The following TMEM266 variants were observed in gnomAD, a reference collection of about 807,000 sequenced individuals.
TMEM266 encodes transmembrane protein 266.
A neutral mutation model predicts 50.5 loss-of-function variants in TMEM266; 33 were observed. The ratio of observed to expected loss-of-function variants is 0.65; its 90% CI spans 0.50 to 0.87. The LOEUF (loss-of-function observed/expected upper bound fraction) is 0.87, where lower values mean the gene tolerates loss of function less well. Among genes scored for constraint, TMEM266 ranks in the 40% least tolerant of loss-of-function variants. The pLI, the probability that TMEM266 is intolerant of heterozygous loss-of-function variation, is 0.00. For synonymous variants in TMEM266, 310 were observed against 292.3 expected (o/e 1.06, Z -0.62); for missense variants, 655 against 695.1 (o/e 0.94, Z 0.65).
intron 1 of TMEM266, among the ~76,000 whole-genome samples, chr15:76,079,334 C>T (rs2036650058): frequency 8.0e-6 from 1 of 124,968 alleles, no homozygotes; most frequent in East Asian, 2.3e-4. Flanking sequence ...GCCTGGGCAA[C>T]AGAGCAAGAC....
rs544773268 is a variant in TMEM266, at chr15:76,195,165, C to G, written c.958+3008C>G. On this transcript the variant is annotated intron_variant, in intron 9 of 10. Coordinates refer to ENST00000388942, the MANE Select transcript of TMEM266 (RefSeq NM_152335.3). ...AGAGTAAGCTCCCAGATCTCCACACCGTTCCCTGGCAACCTTACACCGACT... is the reference window on the plus strand; with the variant it reads ...AGAGTAAGCTCCCAGATCTCCACACGGTTCCCTGGCAACCTTACACCGACT... Among the ~76,000 whole-genome samples, 7 of 152,190 alleles carry G rather than the reference C, an allele frequency of 4.6e-5. No individual in the cohort carries two copies. In the South Asian group the frequency reaches 1.4e-3, roughly 32 times the overall value.
At chr15:76,126,624 C>T (rs1445991304) in intron 1 of TMEM266, among the ~76,000 whole-genome samples, 10 of 151,688 alleles carry the variant, frequency 6.6e-5, no homozygotes, top group African/African-American at 9.7e-5. Flanking sequence ...CTCCGCCTCC[C>T]GAGTTCAAGC....
At position 76,132,389 on chromosome 15, in the gene TMEM266, G is replaced by A. The variant is rs563203164; in HGVS notation, c.-96-1779G>A. Among the ~76,000 whole-genome samples, 382 of 152,106 alleles carry A rather than the reference G, an allele frequency of 2.5e-3. 2 individuals are homozygous for A. The highest frequency in any genetic ancestry group is 4.0e-3 in the South Asian group (19 of 4,794). ...CTCCCAAAGTCCTGGGATTATAGGC[G>A]TGAACCACCGCGCCTGGCCTACCAA... On this transcript the variant is annotated intron_variant, in intron 1 of 10. Coordinates refer to ENST00000388942, the MANE Select transcript of TMEM266 (RefSeq NM_152335.3).
chr15:76,067,632 C>CAAA (rs1161784184), intron 1 of TMEM266, among the ~76,000 whole-genome samples: 1 of 67,444 alleles, frequency 1.5e-5, no homozygotes, highest in African/African-American at 4.9e-5. Context: ...GGCTGCGTCT[C>CAAA]AAAAAAAAAA....
intron 7 of TMEM266, among the ~76,000 whole-genome samples, chr15:76,171,339 C>T (rs1330641949): frequency 6.6e-6 from 1 of 152,248 alleles, no homozygotes; most frequent in East Asian, 1.9e-4. Flanking sequence ...ACACGCTGAG[C>T]TTCCCACTTC....
intron 1 of TMEM266, among the ~76,000 whole-genome samples, chr15:76,133,859 G>T (rs537221766): frequency 6.6e-6 from 1 of 152,144 alleles, no homozygotes; most frequent in African/African-American, 2.4e-5. Context: ...TGCTGTTTTG[G>T]GGGGCACAGC....
Position 76,204,373 on chromosome 15 carries a change from A to G in TMEM266, c.*58A>G. On this transcript the variant is annotated 3_prime_UTR_variant, in exon 11 of 11. Coordinates refer to ENST00000388942, the MANE Select transcript of TMEM266 (RefSeq NM_152335.3). ...ACAGCCATCTCAAAGCTCTCCTGGG[A>G]CCCTGGAGGCTGCCAAGGGCCACAC... 1.3e-6 allele frequency: 2 copies of G among 1,487,194 alleles called. No homozygotes were observed. Among genetic ancestry groups the G allele is most frequent in the African/African-American group, 1.4e-5 (1 of 71,620 alleles). The allele number at this position is 1,487,194 out of a possible 1,614,324, so 92.1% of individuals were successfully genotyped here.
At chr15:76,165,874 T>A (rs1424214842) in intron 5 of TMEM266, among the ~76,000 whole-genome samples, 1 of 152,240 alleles carries the variant, frequency 6.6e-6, no homozygotes, top group African/African-American at 2.4e-5. Context: ...TGTGGGCCTG[T>A]GGTCTCCTGT....
chr15:76,167,315 A>G (rs1021024598), intron 5 of TMEM266, among the ~76,000 whole-genome samples: 6 of 151,764 alleles, frequency 4.0e-5, no homozygotes, highest in African/African-American at 1.5e-4. Context: ...CTAAAAATAC[A>G]AAAAATTAGC....
intron 1 of TMEM266, among the ~76,000 whole-genome samples, chr15:76,105,332 CT>C (rs1283171506): frequency 6.6e-6 from 1 of 152,210 alleles, no homozygotes; most frequent in African/African-American, 2.4e-5. Context: ...AAGGCACAGC[CT>C]GGGGTCCCCC....
intron 1 of TMEM266, among the ~76,000 whole-genome samples, chr15:76,105,694 A>C (rs1302673152): frequency 6.6e-6 from 1 of 152,234 alleles, no homozygotes; most frequent in Non-Finnish European, 1.5e-5. Context: ...CGCTGCTCAA[A>C]GAGATGGCAG....
At chr15:76,098,244 A>C (rs1316298204) in intron 1 of TMEM266, among the ~76,000 whole-genome samples, 1 of 151,874 alleles carries the variant, frequency 6.6e-6, no homozygotes, top group African/African-American at 2.4e-5. Context: ...GGATTTATCT[A>C]CCTTTGGTCT....
At chr15:76,176,582 G>C (rs1323115765) in intron 8 of TMEM266, 1 of 152,294 alleles carries the variant, frequency 6.6e-6, no homozygotes, top group Non-Finnish European at 1.5e-5. Flanking sequence ...CTGGGGAGAG[G>C]ACAGGGCCAC....
At chr15:76,117,480 C>T (rs1234612799) in intron 1 of TMEM266, among the ~76,000 whole-genome samples, 1 of 152,162 alleles carries the variant, frequency 6.6e-6, no homozygotes, top group African/African-American at 2.4e-5. Flanking sequence ...ACCATCTCCA[C>T]ACCCACCTCC....
chr15:76,175,307 G>A (rs189451543), intron 7 of TMEM266: 54 of 390,310 alleles, frequency 1.4e-4, no homozygotes, highest in African/African-American at 1.1e-3. Flanking sequence ...CCAGGCAGCT[G>A]TGCACACAGC....
intron 3 of TMEM266, among the ~76,000 whole-genome samples, chr15:76,151,763 G>A (rs2037847329): frequency 6.6e-6 from 1 of 152,076 alleles, no homozygotes; most frequent in South Asian, 2.1e-4. Flanking sequence ...AAAGCACCTG[G>A]GATCTCATTG....
At chr15:76,099,034 A>G (rs1321067164) in intron 1 of TMEM266, among the ~76,000 whole-genome samples, 2 of 152,044 alleles carry the variant, frequency 1.3e-5, no homozygotes, top group Non-Finnish European at 2.9e-5. Flanking sequence ...GGTGGGACCC[A>G]CTGAGCCAGA....
chr15:76,139,499 T>G lies in TMEM266; in HGVS notation c.227+1604T>G, dbSNP rs2037643834. 6.6e-6 allele frequency among the ~76,000 whole-genome samples: 1 copy of G among 152,178 alleles called. No homozygotes were observed. ...GCCAGCTTCGTGCACATGTGACCTG[T>G]GCGGTAGCGCAGAGCCCCGTACTTA... On this transcript the variant is annotated intron_variant, in intron 3 of 10. Transcript: ENST00000388942. The surrounding 1 kb of genome is among the most constrained non-coding windows in gnomAD (Gnocchi z 4.1).
intron 1 of TMEM266, among the ~76,000 whole-genome samples, chr15:76,116,302 G>C (rs956291443): frequency 6.6e-6 from 1 of 152,112 alleles, no homozygotes; most frequent in Non-Finnish European, 1.5e-5. Context: ...GGCCGATAAG[G>C]CTCCGTAGCT....
Sources: allele counts gnomAD v4.1 joint callset (sites outside exome capture counted in the v4.1 genomes callset), GRCh38; gene constraint gnomAD v4.1.1; non-coding constraint Gnocchi (gnomAD v3.1); transcripts MANE v1.5; gene names NCBI Gene and HGNC (gene_info 2026-07-23, HGNC 2026-07-21).